Variants in ATG5 observed in about 807,000 individuals in gnomAD.
ATG5 encodes autophagy protein 5.
A neutral mutation model predicts 36.5 loss-of-function variants in ATG5; 14 were observed. The ratio of observed to expected loss-of-function variants is 0.38; its 90% CI spans 0.25 to 0.60. The LOEUF is 0.60. ATG5 is among the 20% of genes least tolerant of loss of function. The pLI, the probability that ATG5 is intolerant of heterozygous loss-of-function variation, is 0.60. For synonymous variants in ATG5, 95 were observed against 101.5 expected, an observed-to-expected ratio of 0.94 and a Z score of 0.38; for missense variants, 195 against 326.7, an observed-to-expected ratio of 0.60 and a Z score of 3.11.
At chr6:106,316,012 G>A (rs1433210363) in intron 2 of ATG5, 89 bp downstream of exon 2, 15 of 1,025,104 alleles carry the variant, frequency 1.5e-5, no homozygotes, top group African/African-American at 4.9e-5. Flanking sequence ...TATCTAAAAC[G>A]TTACATAATG....
At chr6:106,210,801 G>A (rs1776823390) in intron 6 of ATG5, among the ~76,000 whole-genome samples, 1 of 152,024 alleles carries the variant, frequency 6.6e-6, no homozygotes, top group South Asian at 2.1e-4. Context: ...ATTTTTTTGT[G>A]AAGGTTATAC....
chr6:106,245,780 T>C (rs1037767096), intron 6 of ATG5, among the ~76,000 whole-genome samples: 1 of 152,180 alleles, frequency 6.6e-6, no homozygotes, highest in Non-Finnish European at 1.5e-5. Context: ...TTATAGAGAT[T>C]TGTATCTAGT....
chr6:106,288,965 A>T (rs1433433681), intron 4 of ATG5, among the ~76,000 whole-genome samples: 1 of 152,122 alleles, frequency 6.6e-6, no homozygotes, highest in Non-Finnish European at 1.5e-5. Flanking sequence ...AGGCAACAGG[A>T]TCTCTTAGAA....
chr6:106,320,301 T>G (rs1216668379), intron 1 of ATG5, among the ~76,000 whole-genome samples: 1 of 152,176 alleles, frequency 6.6e-6, no homozygotes, highest in Non-Finnish European at 1.5e-5. Flanking sequence ...GTTGGAGATA[T>G]TAATACATCC....
Position 106,225,102 on chromosome 6 carries a change from G to A in ATG5, c.574-23013C>T, listed in dbSNP as rs187997751. Among the ~76,000 whole-genome samples, 685 of 152,212 alleles carry A rather than the reference G, an allele frequency of 4.5e-3. 8 individuals carry two copies. Among genetic ancestry groups the A allele is most frequent in the Non-Finnish European group, 6.0e-3 (408 of 68,002 alleles). ...TAGTGTGCAATTTAATTTATTATGT[G>A]CCAGGCACAATAGTTTATTAAAGGT... On this transcript the variant is annotated intron_variant, in intron 6 of 7. Coordinates refer to ENST00000369076, the MANE Select transcript of ATG5 (RefSeq NM_004849.4).
In ATG5 at chr6:106,290,728, C is replaced by T. The variant is rs561608780; in HGVS notation, c.315+2300G>A. Reference sequence around the variant, plus strand: ...TGCACTTTGAATGGATCTTTTTACACATGCATGATCTTGTAACATCAAGCA... The same window carrying T: ...TGCACTTTGAATGGATCTTTTTACATATGCATGATCTTGTAACATCAAGCA... On this transcript the variant is annotated intron_variant, in intron 4 of 7. Transcript: ENST00000369076. Among the ~76,000 whole-genome samples, 10 of 152,292 alleles carry T rather than the reference C, an allele frequency of 6.6e-5. No homozygotes were observed. The East Asian group carries it at 1.5e-3, about 23-fold the overall frequency.
chr6:106,269,816 C>G (rs1779382786), intron 5 of ATG5, among the ~76,000 whole-genome samples: 1 of 152,234 alleles, frequency 6.6e-6, no homozygotes, highest in East Asian at 1.9e-4. Flanking sequence ...GCTGAGGGAG[C>G]CGGCTCCAGC....
chr6:106,273,784 ACAACCCAC>A (rs1562249453), intron 5 of ATG5, among the ~76,000 whole-genome samples: 1 of 152,226 alleles, frequency 6.6e-6, no homozygotes, highest in Non-Finnish European at 1.5e-5. Context: ...CAATGCAATG[ACAACCCAC>A]CAGTCTATAT....
rs36079781 is a variant in ATG5, at chr6:106,289,402, GA to G, written c.315+3625del. Among the ~76,000 whole-genome samples, 757 of 143,386 alleles carry G rather than the reference GA, an allele frequency of 5.3e-3. 2 individuals are homozygous for G. The highest frequency in any genetic ancestry group is 0.017 in the African/African-American group (660 of 39,410). The allele number at this position is 143,386 out of a possible 152,430, so 94.1% of individuals were successfully genotyped here. On this transcript the variant is annotated intron_variant, in intron 4 of 7. Coordinates refer to ENST00000369076, the MANE Select transcript of ATG5 (RefSeq NM_004849.4). ...AAATGAATGGAACTTAGTATATACA[GA>G]AAAAAAAAAAATCTGGGCAATAACT...
intron 7 of ATG5, among the ~76,000 whole-genome samples, chr6:106,195,575 T>C (rs1201860097): frequency 1.3e-5 from 2 of 152,102 alleles, no homozygotes; most frequent in Non-Finnish European, 2.9e-5. Context: ...TGAGATGTGT[T>C]AGAGATGTGG....
chr6:106,219,710 G>A (rs1777168954), intron 6 of ATG5, among the ~76,000 whole-genome samples: 1 of 152,070 alleles, frequency 6.6e-6, no homozygotes, highest in South Asian at 2.1e-4. Flanking sequence ...CAGAGGTATC[G>A]ACAGATGGCT....
At chr6:106,296,655 T>C (rs1295670627) in intron 3 of ATG5, among the ~76,000 whole-genome samples, 1 of 152,054 alleles carries the variant, frequency 6.6e-6, no homozygotes, top group East Asian at 1.9e-4. Flanking sequence ...CCATCTCTAC[T>C]AACAATACAA....
At chr6:106,246,252 T>C (rs1778324522) in intron 6 of ATG5, among the ~76,000 whole-genome samples, 1 of 151,922 alleles carries the variant, frequency 6.6e-6, no homozygotes, top group Non-Finnish European at 1.5e-5. Flanking sequence ...AAGCAGGAGG[T>C]TCTGCCGAGA....
At chr6:106,317,005 G>A (rs1770876716) in intron 1 of ATG5, among the ~76,000 whole-genome samples, 1 of 152,044 alleles carries the variant, frequency 6.6e-6, no homozygotes, top group South Asian at 2.1e-4. Context: ...AACAGTAAAT[G>A]CTTCCACTTG....
At chr6:106,321,649 C>G (rs775623968) in intron 1 of ATG5, among the ~76,000 whole-genome samples, 5 of 152,178 alleles carry the variant, frequency 3.3e-5, no homozygotes, top group Non-Finnish European at 7.3e-5. Flanking sequence ...TGAGCCACCG[C>G]GCCTGGCCAA....
intron 6 of ATG5, among the ~76,000 whole-genome samples, chr6:106,234,087 C>T (rs1246827707): frequency 6.6e-6 from 1 of 152,118 alleles, no homozygotes. Flanking sequence ...GTCTGTCGGA[C>T]TTACTTCACC....
intron 5 of ATG5, among the ~76,000 whole-genome samples, chr6:106,250,965 C>T (rs958197875): frequency 2.6e-5 from 4 of 152,200 alleles, no homozygotes; most frequent in African/African-American, 7.2e-5. Context: ...GTAGGAGAAA[C>T]GGTTCTGCCC....
chr6:106,230,196 G>A (rs1440587263), intron 6 of ATG5, among the ~76,000 whole-genome samples: 4 of 152,168 alleles, frequency 2.6e-5, no homozygotes, highest in African/African-American at 9.7e-5. Context: ...CTCCTCAAAT[G>A]TCAGAGCTGT....
At chr6:106,259,529 T>C (rs1350918177) in intron 5 of ATG5, among the ~76,000 whole-genome samples, 1 of 152,224 alleles carries the variant, frequency 6.6e-6, no homozygotes, top group Non-Finnish European at 1.5e-5. Context: ...TGTATTATAA[T>C]TGTAAAGCAT....
Sources: gnomAD v4.1 joint callset for allele counts (sites outside exome capture counted in the v4.1 genomes callset) on GRCh38, gnomAD v4.1.1 for gene constraint, MANE v1.5 for transcripts, NCBI Gene and HGNC (gene_info 2026-07-23, HGNC 2026-07-21) for gene names.